Variants in CALN1 observed in about 807,000 individuals in gnomAD.
CALN1 encodes calneuron 1.
CALN1 carries 17 observed loss-of-function variants against 30.6 expected under a neutral mutation model. The ratio of observed to expected loss-of-function variants is 0.56; its 90% CI spans 0.38 to 0.83. The LOEUF (loss-of-function observed/expected upper bound fraction) is 0.83. Ranked by LOEUF, CALN1 falls within the 40% of genes least tolerant of loss-of-function variation. The pLI, the probability that CALN1 is intolerant of heterozygous loss-of-function variation, is 0.00. For synonymous variants in CALN1, 156 were observed against 131.4 expected (o/e 1.19, Z -1.28); for missense variants, 291 against 354.9 (o/e 0.82, Z 1.45).
intron 6 of CALN1, among the ~76,000 whole-genome samples, chr7:71,797,214 C>T (rs1382179036): frequency 2.0e-5 from 3 of 152,060 alleles, no homozygotes; most frequent in African/African-American, 7.2e-5. Context: ...TTCCTTGCTC[C>T]GCGACAGACC....
intron 3 of CALN1, among the ~76,000 whole-genome samples, chr7:72,255,478 G>GCA (rs1181721446): frequency 4.7e-5 from 7 of 149,496 alleles, no homozygotes; most frequent in South Asian, 2.1e-4. Context: ...GCAGTGGCAT[G>GCA]ATCTCGGCTC....
At chr7:72,037,250 G>A (rs1049562060) in intron 4 of CALN1, among the ~76,000 whole-genome samples, 19 of 151,984 alleles carry the variant, frequency 1.3e-4, no homozygotes, top group African/African-American at 4.1e-4. Flanking sequence ...TCCTGGGTTC[G>A]CACTATTATC....
chr7:71,878,212 A>G (rs1223824400), intron 5 of CALN1, among the ~76,000 whole-genome samples: 2 of 152,148 alleles, frequency 1.3e-5, no homozygotes, highest in East Asian at 1.9e-4. Flanking sequence ...ATGAGGTACC[A>G]CTGGGTAAGA....
intron 3 of CALN1, among the ~76,000 whole-genome samples, chr7:72,150,513 T>C (rs1174774482): frequency 6.6e-6 from 1 of 152,148 alleles, no homozygotes; most frequent in Non-Finnish European, 1.5e-5. Flanking sequence ...GGCTCTCCCT[T>C]GAGATAAACA....
intron 4 of CALN1, among the ~76,000 whole-genome samples, chr7:72,026,624 C>G (rs759518268): frequency 6.6e-6 from 1 of 151,950 alleles, no homozygotes; most frequent in Non-Finnish European, 1.5e-5. Context: ...CTATGTTGCC[C>G]AGGCTGGTCT....
intron 3 of CALN1, among the ~76,000 whole-genome samples, chr7:72,115,977 T>C (rs964185830): frequency 6.6e-6 from 1 of 152,180 alleles, no homozygotes; most frequent in Non-Finnish European, 1.5e-5. Context: ...GTTCCATCCA[T>C]GGTCCTGCAA....
At chr7:72,490,638 T>C in the CALN1 span, among the ~76,000 whole-genome samples, 1 of 152,300 alleles carries the variant, frequency 6.6e-6, no homozygotes, top group Non-Finnish European at 1.5e-5. Flanking sequence ...CCCCTTGCTG[T>C]TCTCCTGATA....
the CALN1 span, among the ~76,000 whole-genome samples, chr7:72,454,698 CT>C: frequency 6.6e-6 from 1 of 152,186 alleles, no homozygotes; most frequent in Non-Finnish European, 1.5e-5. Context: ...CGTCCTACCC[CT>C]CTCCACTCTT....
intron 5 of CALN1, among the ~76,000 whole-genome samples, chr7:71,919,605 T>G (rs937009020): frequency 1.3e-5 from 2 of 152,080 alleles, no homozygotes; most frequent in African/African-American, 4.8e-5. Context: ...ACACTGTGAG[T>G]ATGGAAAAGC....
chr7:72,068,633 G>T (rs1193379819), intron 4 of CALN1, among the ~76,000 whole-genome samples: 1 of 152,036 alleles, frequency 6.6e-6, no homozygotes, highest in Non-Finnish European at 1.5e-5. Flanking sequence ...GATAACAGAC[G>T]CCCGCCACCA....
At chr7:72,231,640 G>A (rs1794107671) in intron 3 of CALN1, among the ~76,000 whole-genome samples, 1 of 152,068 alleles carries the variant, frequency 6.6e-6, no homozygotes, top group Non-Finnish European at 1.5e-5. Flanking sequence ...TGCTATTGTT[G>A]TTAGTCTCTC....
At chr7:72,028,475 A>C (rs1801232875) in intron 4 of CALN1, among the ~76,000 whole-genome samples, 1 of 152,202 alleles carries the variant, frequency 6.6e-6, no homozygotes. Context: ...TGGCAAAGGG[A>C]GCAGCTCATT....
At chr7:72,029,910 T>C (rs1801328153) in intron 4 of CALN1, among the ~76,000 whole-genome samples, 1 of 152,240 alleles carries the variant, frequency 6.6e-6, no homozygotes, top group African/African-American at 2.4e-5. Flanking sequence ...CTCTGATTTA[T>C]GGTCAGAAGC....
At chr7:72,374,012 A>G (rs1415632112) in intron 2 of CALN1, among the ~76,000 whole-genome samples, 1 of 152,198 alleles carries the variant, frequency 6.6e-6, no homozygotes, top group African/African-American at 2.4e-5. Context: ...CTCTATATCC[A>G]GTGGAAATAT....
intron 5 of CALN1, among the ~76,000 whole-genome samples, chr7:71,908,979 T>A (rs1294060920): frequency 1.3e-5 from 2 of 152,204 alleles, no homozygotes; most frequent in East Asian, 3.9e-4. Flanking sequence ...TGTCTGGAAA[T>A]ATAACCTTAA....
At chr7:71,828,834 C>T (rs1354466856) in intron 5 of CALN1, among the ~76,000 whole-genome samples, 3 of 151,640 alleles carry the variant, frequency 2.0e-5, no homozygotes, top group Admixed American at 6.6e-5. Flanking sequence ...TGGCAACCTC[C>T]GCCTTCCAGG....
At chr7:72,476,926 C>T in the CALN1 span, among the ~76,000 whole-genome samples, 7 of 151,952 alleles carry the variant, frequency 4.6e-5, no homozygotes, top group African/African-American at 7.2e-5. Context: ...AGAAAAGGTG[C>T]GTCGCCAGGC....
chr7:72,443,737 C>T (rs986948031), intron 1 of CALN1, among the ~76,000 whole-genome samples: 1 of 151,922 alleles, frequency 6.6e-6, no homozygotes, highest in East Asian at 2.0e-4. Flanking sequence ...TACTTGAGAA[C>T]AGGGGGCAGC....
At chr7:72,364,785 C>T (rs1317740553) in intron 2 of CALN1, among the ~76,000 whole-genome samples, 2 of 152,202 alleles carry the variant, frequency 1.3e-5, no homozygotes, top group Non-Finnish European at 2.9e-5. Flanking sequence ...CACTGTGCCC[C>T]ATAAATATAT....
Sources: allele counts gnomAD v4.1 joint callset (sites outside exome capture counted in the v4.1 genomes callset), GRCh38; gene constraint gnomAD v4.1.1; transcripts MANE v1.5; gene names NCBI Gene and HGNC (gene_info 2026-07-23, HGNC 2026-07-21).